The following ARHGAP18 variants were observed in gnomAD, a reference collection of about 807,000 sequenced individuals.
The protein encoded by ARHGAP18 is rho GTPase-activating protein 18.
In ARHGAP18, 67 loss-of-function variants were observed where a neutral mutation model predicts 86.2. The observed-to-expected ratio is 0.78, with a 90% CI of 0.64 to 0.95. ARHGAP18 has a LOEUF of 0.95. Among genes scored for constraint, ARHGAP18 ranks in the 40% least tolerant of loss-of-function variants. The pLI is 0.00. For missense variants in ARHGAP18, 691 were observed against 780.4 expected (o/e 0.89, Z 1.37); for synonymous variants, 283 against 280.4 (o/e 1.01, Z -0.09).
chr6:129,602,205 C>T (rs1178867907), intron 10 of ARHGAP18, among the ~76,000 whole-genome samples: 13 of 152,050 alleles, frequency 8.5e-5, no homozygotes, highest in African/African-American at 1.7e-4. Context: ...TTATGAAGCA[C>T]GATAGAGATT....
chr6:129,667,224 C>T (rs1774057384), intron 1 of ARHGAP18, among the ~76,000 whole-genome samples: 1 of 151,540 alleles, frequency 6.6e-6, no homozygotes, highest in African/African-American at 2.4e-5. Context: ...GAATAATATC[C>T]CCATCTTGTG....
At chr6:129,686,274 T>G (rs1370127234) in intron 1 of ARHGAP18, among the ~76,000 whole-genome samples, 1 of 152,164 alleles carries the variant, frequency 6.6e-6, no homozygotes, top group Non-Finnish European at 1.5e-5. Flanking sequence ...GGCTGCCCTG[T>G]GTTCCTCAGC....
intron 1 of ARHGAP18, among the ~76,000 whole-genome samples, chr6:129,645,194 C>A (rs1455032904): frequency 6.6e-6 from 1 of 152,138 alleles, no homozygotes; most frequent in African/African-American, 2.4e-5. Flanking sequence ...CATCAATGAA[C>A]ATGTTGTGTT....
At chr6:129,673,045 C>T (rs1406226067) in intron 1 of ARHGAP18, among the ~76,000 whole-genome samples, 1 of 152,162 alleles carries the variant, frequency 6.6e-6, no homozygotes, top group East Asian at 1.9e-4. Flanking sequence ...CCACTTCCTG[C>T]CCAGTTTCTT....
intron 1 of ARHGAP18, among the ~76,000 whole-genome samples, chr6:129,662,990 A>G (rs955077418): frequency 1.3e-5 from 2 of 152,186 alleles, no homozygotes; most frequent in African/African-American, 2.4e-5. Context: ...GTCAGGGGCA[A>G]TTATCACAAT....
At chr6:129,653,114 A>G (rs1013397514) in intron 1 of ARHGAP18, among the ~76,000 whole-genome samples, 3 of 152,204 alleles carry the variant, frequency 2.0e-5, no homozygotes, top group Non-Finnish European at 2.9e-5. Flanking sequence ...ATCCACTGCA[A>G]TAAGGTAGAG....
At chr6:129,674,679 A>G (rs35681219) in intron 1 of ARHGAP18, among the ~76,000 whole-genome samples, 3,069 of 152,336 alleles carry the variant, frequency 0.02, 41 homozygotes, top group Non-Finnish European at 0.033. Context: ...GAGGATGTGC[A>G]TATGTTATAC....
At chr6:129,681,369 C>A (rs963700535) in intron 1 of ARHGAP18, among the ~76,000 whole-genome samples, 10 of 152,218 alleles carry the variant, frequency 6.6e-5, no homozygotes, top group African/African-American at 2.4e-4. Flanking sequence ...AGCCACCGCG[C>A]CCAGCTAGAA....
chr6:129,665,661 G>A (rs74818297), intron 1 of ARHGAP18, among the ~76,000 whole-genome samples: 2 of 152,220 alleles, frequency 1.3e-5, no homozygotes, highest in Non-Finnish European at 2.9e-5. Context: ...ATACAAACAG[G>A]TAGTTAATAA....
intron 12 of ARHGAP18, among the ~76,000 whole-genome samples, chr6:129,587,416 C>T (rs1562677704): frequency 6.6e-6 from 1 of 152,180 alleles, no homozygotes; most frequent in Non-Finnish European, 1.5e-5. Context: ...AGTCTCTTTT[C>T]CCCTCCAACA....
intron 1 of ARHGAP18, among the ~76,000 whole-genome samples, chr6:129,693,731 C>T (rs917253425): frequency 6.6e-6 from 1 of 152,086 alleles, no homozygotes; most frequent in African/African-American, 2.4e-5. Context: ...AGCTGATCTA[C>T]ATACAGGTCA....
chr6:129,617,871 T>G (rs1279022405), intron 6 of ARHGAP18, among the ~76,000 whole-genome samples: 1 of 152,168 alleles, frequency 6.6e-6, no homozygotes, highest in Non-Finnish European at 1.5e-5. Flanking sequence ...ATACTTGTCT[T>G]TGTGAATGTT....
At chr6:129,701,418 G>C (rs544161282) in intron 1 of ARHGAP18, among the ~76,000 whole-genome samples, 1 of 152,328 alleles carries the variant, frequency 6.6e-6, no homozygotes, top group African/African-American at 2.4e-5. Context: ...TAAGCTGCCT[G>C]GGGTTGTACT....
intron 10 of ARHGAP18, among the ~76,000 whole-genome samples, chr6:129,601,085 T>C (rs1328020090): frequency 6.6e-6 from 1 of 152,144 alleles, no homozygotes; most frequent in Non-Finnish European, 1.5e-5. Flanking sequence ...AGATGGCACA[T>C]AGCTGAACTA....
intron 1 of ARHGAP18, among the ~76,000 whole-genome samples, chr6:129,675,451 C>T (rs1467044579): frequency 6.6e-6 from 1 of 151,564 alleles, no homozygotes; most frequent in African/African-American, 2.4e-5. Flanking sequence ...CACTGATGAG[C>T]TACATAACCC....
chr6:129,708,035 A>G (rs536331913), intron 1 of ARHGAP18, among the ~76,000 whole-genome samples: 5 of 151,898 alleles, frequency 3.3e-5, no homozygotes, highest in African/African-American at 1.2e-4. Flanking sequence ...CCTTCCTTCT[A>G]TCCATCCCCT....
intron 1 of ARHGAP18, among the ~76,000 whole-genome samples, chr6:129,684,832 C>A (rs1774399327): frequency 6.6e-6 from 1 of 152,106 alleles, no homozygotes; most frequent in African/African-American, 2.4e-5. Context: ...CCTAATACTA[C>A]CCCAAGGAAT....
chr6:129,686,145 A>G (rs996060809), intron 1 of ARHGAP18, among the ~76,000 whole-genome samples: 1 of 152,122 alleles, frequency 6.6e-6, no homozygotes, highest in Non-Finnish European at 1.5e-5. Context: ...AACTCTTACT[A>G]TTTCCTCGGA....
intron 1 of ARHGAP18, among the ~76,000 whole-genome samples, chr6:129,643,466 G>T (rs1335417159): frequency 6.6e-6 from 1 of 152,136 alleles, no homozygotes; most frequent in Non-Finnish European, 1.5e-5. Flanking sequence ...TTTCTGCCAT[G>T]ATTTAAGTTT....
Sources: allele counts gnomAD v4.1 joint callset (sites outside exome capture counted in the v4.1 genomes callset), GRCh38; gene constraint gnomAD v4.1.1; transcripts MANE v1.5; gene names NCBI Gene and HGNC (gene_info 2026-07-23, HGNC 2026-07-21).